The following TMEM266 variants were observed in gnomAD, a reference collection of about 807,000 sequenced individuals.
TMEM266 encodes transmembrane protein 266, also known as Hv1 related protein 1.
A neutral mutation model predicts 50.5 loss-of-function variants in TMEM266; 33 were observed. That is an observed-to-expected ratio of 0.65 (90% CI 0.50 to 0.87). The LOEUF (loss-of-function observed/expected upper bound fraction) is 0.87. TMEM266 is among the 40% of genes least tolerant of loss of function. TMEM266 has a pLI of 0.00. For synonymous variants in TMEM266, 310 were observed against 292.3 expected (o/e 1.06, Z -0.62); for missense variants, 655 against 695.1 (o/e 0.94, Z 0.65).
chr15:76,130,810 T>G (rs1299318161), intron 1 of TMEM266, among the ~76,000 whole-genome samples: 1 of 151,998 alleles, frequency 6.6e-6, no homozygotes, highest in Admixed American at 6.5e-5. Context: ...AAATTTTCCT[T>G]CCTAAAAAGT....
chr15:76,068,277 TG>T (rs1275718243), intron 1 of TMEM266, among the ~76,000 whole-genome samples: 4 of 152,232 alleles, frequency 2.6e-5, no homozygotes, highest in Non-Finnish European at 5.9e-5. Flanking sequence ...GCCCTAGGGA[TG>T]GGAAAGTGTT....
At position 76,160,856 on chromosome 15, in the gene TMEM266, G is replaced by C. The variant is rs575147214; in HGVS notation, c.456+688G>C. 6.6e-6 allele frequency among the ~76,000 whole-genome samples: 1 copy of C among 152,208 alleles called. No homozygotes were observed. Among genetic ancestry groups the C allele is most frequent in the Non-Finnish European group, 1.5e-5 (1 of 68,034 alleles). The stretch of plus-strand genomic sequence containing the variant: ...AGTTTATGGAGATCCGCAGGCCCCC[G>C]GGCTTGGTGCAGAAGCTGGCATGTC... On this transcript the variant is annotated intron_variant, in intron 5 of 10. Transcript: ENST00000388942. This position sits in a 1 kb window ranked among gnomAD's most constrained non-coding sequence, Gnocchi z 5.7.
At chr15:76,114,479 C>G (rs1214247289) in intron 1 of TMEM266, among the ~76,000 whole-genome samples, 1 of 152,194 alleles carries the variant, frequency 6.6e-6, no homozygotes, top group East Asian at 1.9e-4. Flanking sequence ...AGATTGCACA[C>G]TGCACTTCAG....
At chr15:76,084,589 T>G (rs546990999) in intron 1 of TMEM266, among the ~76,000 whole-genome samples, 46 of 133,328 alleles carry the variant, frequency 3.5e-4, no homozygotes, top group Non-Finnish European at 5.5e-4. Flanking sequence ...GAGATGAGGG[T>G]TTTTTTTGGT....
chr15:76,194,175 CA>C (rs2142084488), intron 9 of TMEM266, among the ~76,000 whole-genome samples: 1 of 152,384 alleles, frequency 6.6e-6, no homozygotes, highest in East Asian at 1.9e-4. Context: ...CCTTGGGCAA[CA>C]GGCTTTTTGT....
chr15:76,109,831 T>G (rs991795794), intron 1 of TMEM266, among the ~76,000 whole-genome samples: 1 of 151,810 alleles, frequency 6.6e-6, no homozygotes, highest in African/African-American at 2.4e-5. Flanking sequence ...GCTAATTTTT[T>G]AAATTTTTTG....
chr15:76,060,367 G>A (rs891113864), intron 1 of TMEM266, among the ~76,000 whole-genome samples: 2 of 151,022 alleles, frequency 1.3e-5, no homozygotes, highest in African/African-American at 4.9e-5. Context: ...TGGAGGGGGG[G>A]GTTGCTGCTG....
At chr15:76,106,448 G>GTT (rs2037081897) in intron 1 of TMEM266, among the ~76,000 whole-genome samples, 1 of 151,782 alleles carries the variant, frequency 6.6e-6, no homozygotes, top group Non-Finnish European at 1.5e-5. Flanking sequence ...GGGGGTTTTG[G>GTT]TTTTTTTAGA....
At chr15:76,076,333 A>T (rs904470644) in intron 1 of TMEM266, among the ~76,000 whole-genome samples, 4 of 152,052 alleles carry the variant, frequency 2.6e-5, no homozygotes, top group Admixed American at 2.0e-4. Context: ...CAGGCATCTA[A>T]CTTTCTAAAT....
rs564815061 is a variant in TMEM266 at position 76,086,218 on chromosome 15, A to C, written c.-97+26202A>C. 2.6e-5 allele frequency among the ~76,000 whole-genome samples: 4 copies of C among 152,328 alleles called. No homozygotes were observed. In the South Asian group the frequency reaches 8.3e-4, roughly 32 times the overall value. On this transcript the variant is annotated intron_variant, in intron 1 of 10. Coordinates refer to ENST00000388942, the MANE Select transcript of TMEM266 (RefSeq NM_152335.3). Reference sequence around the variant, plus strand: ...AAAGGAGCAAACTACTCATAGATGCAATAACCTAGATGAGTCTCAGACATT... The same window carrying C: ...AAAGGAGCAAACTACTCATAGATGCCATAACCTAGATGAGTCTCAGACATT...
At chr15:76,089,281 G>C (rs796820826) in intron 1 of TMEM266, among the ~76,000 whole-genome samples, 19 of 151,368 alleles carry the variant, frequency 1.3e-4, no homozygotes, top group Admixed American at 1.2e-3. Flanking sequence ...TGCAACTGCC[G>C]CTCCGGGTTC....
In TMEM266 at chr15:76,186,498, C is replaced by T. The variant is rs114682398; in HGVS notation, c.769-5470C>T. Among the ~76,000 whole-genome samples, 876 of 152,320 alleles carry T rather than the reference C, an allele frequency of 5.8e-3. 8 individuals are homozygous for T. Among genetic ancestry groups the T allele is most frequent in the African/African-American group, 0.019 (799 of 41,564 alleles). The stretch of plus-strand genomic sequence containing the variant: ...CAGGGCAAGATGGACAGCTTCCAGT[C>T]ACCCCACACCCTCTGGGTGTGAAGC... On this transcript the variant is annotated intron_variant, in intron 8 of 10. Coordinates refer to ENST00000388942, the MANE Select transcript of TMEM266 (RefSeq NM_152335.3).
chr15:76,146,581 A>G (rs2037760461), intron 3 of TMEM266, among the ~76,000 whole-genome samples: 1 of 152,192 alleles, frequency 6.6e-6, no homozygotes, highest in Admixed American at 6.5e-5. Context: ...GGGCACAGGG[A>G]TATTTTTCGG....
rs1260532352 is a variant in TMEM266, at chr15:76,168,331, A to G, written c.457-1485A>G. ...CCTTCCCATCCCTTCACAGAAATCA[A>G]GATTGTCCTTCACGAGAAAGAGCTG... On this transcript the variant is annotated intron_variant, in intron 5 of 10. Coordinates refer to ENST00000388942, the MANE Select transcript of TMEM266 (RefSeq NM_152335.3). The surrounding 1 kb of genome is among the most constrained non-coding windows in gnomAD (Gnocchi z 4.4). Among the ~76,000 whole-genome samples, 1 of 152,248 alleles carries G rather than the reference A, an allele frequency of 6.6e-6. No homozygotes were observed. The highest frequency in any genetic ancestry group is 2.4e-5 in the African/African-American group (1 of 41,472).
chr15:76,068,109 A>G (rs538746444), intron 1 of TMEM266, among the ~76,000 whole-genome samples: 57 of 152,338 alleles, frequency 3.7e-4, no homozygotes, highest in Admixed American at 5.9e-4. Flanking sequence ...TCCAATTGAC[A>G]GTCATCATTA....
intron 1 of TMEM266, among the ~76,000 whole-genome samples, chr15:76,125,583 C>T (rs905777919): frequency 6.6e-6 from 1 of 151,952 alleles, no homozygotes; most frequent in African/African-American, 2.4e-5. Context: ...CATGGTGGCT[C>T]ACGCCTGTAA....
chr15:76,145,814 A>C (rs934464082), intron 3 of TMEM266, among the ~76,000 whole-genome samples: 1 of 152,192 alleles, frequency 6.6e-6, no homozygotes, highest in African/African-American at 2.4e-5. Context: ...TTTCATTCCA[A>C]TGCAGTTGGA....
chr15:76,076,049 G>C (rs914733816), intron 1 of TMEM266, among the ~76,000 whole-genome samples: 2 of 150,902 alleles, frequency 1.3e-5, no homozygotes, highest in Admixed American at 6.6e-5. Context: ...GTAGAAACAG[G>C]GTTTCACTTT....
intron 1 of TMEM266, among the ~76,000 whole-genome samples, chr15:76,061,558 A>G (rs1338478075): frequency 1.3e-5 from 2 of 152,180 alleles, no homozygotes; most frequent in Non-Finnish European, 2.9e-5. Flanking sequence ...GCTTGGGTCT[A>G]ATTTTCCATT....
Sources: gnomAD v4.1 joint callset for allele counts (sites outside exome capture counted in the v4.1 genomes callset) on GRCh38, gnomAD v4.1.1 for gene constraint, Gnocchi (gnomAD v3.1) non-coding constraint, MANE v1.5 for transcripts, NCBI Gene and HGNC (gene_info 2026-07-23, HGNC 2026-07-21) for gene names.